Variants in LINGO2 observed in about 807,000 individuals in gnomAD.
The protein encoded by LINGO2 is leucine rich repeat and Ig domain containing 2, also known as leucine-rich repeat and immunoglobulin-like domain-containing nogo receptor-interacting protein 2.
LINGO2 carries 14 observed loss-of-function variants against 30.6 expected under a neutral mutation model. The ratio of observed to expected loss-of-function variants is 0.46; its 90% CI spans 0.30 to 0.72. LINGO2 has a LOEUF of 0.72. Ranked by LOEUF, LINGO2 falls within the 30% of genes least tolerant of loss-of-function variation. The pLI, the probability that LINGO2 is intolerant of heterozygous loss-of-function variation, is 0.07. For synonymous variants in LINGO2, 317 were observed against 288.5 expected, an observed-to-expected ratio of 1.10 and a Z score of -1.00; for missense variants, 729 against 751.7, an observed-to-expected ratio of 0.97 and a Z score of 0.35.
chr9:28,909,680 T>A, the LINGO2 span, among the ~76,000 whole-genome samples: 3 of 152,014 alleles, frequency 2.0e-5, no homozygotes, highest in African/African-American at 7.2e-5. Context: ...TTACATTCAT[T>A]TCCTGTCAAC....
intron 1 of LINGO2, among the ~76,000 whole-genome samples, chr9:28,522,352 T>C (rs958856839): frequency 6.6e-6 from 1 of 152,112 alleles, no homozygotes; most frequent in Non-Finnish European, 1.5e-5. Flanking sequence ...TCTCAGAATT[T>C]CCTCTTTATA....
At chr9:28,357,327 C>CCAA (rs55802733) in intron 3 of LINGO2, among the ~76,000 whole-genome samples, 63 of 139,716 alleles carry the variant, frequency 4.5e-4, no homozygotes, top group African/African-American at 6.6e-4. Flanking sequence ...CCACCCCCCC[C>CCAA]AAAAAAGAAA....
chr9:29,013,194 C>G, the LINGO2 span, among the ~76,000 whole-genome samples: 36 of 152,174 alleles, frequency 2.4e-4, no homozygotes, highest in South Asian at 6.0e-3. Flanking sequence ...CAATTGTTCC[C>G]CAGAGTAAAA....
chr9:28,343,304 A>G (rs1302316821), intron 3 of LINGO2, among the ~76,000 whole-genome samples: 2 of 152,174 alleles, frequency 1.3e-5, no homozygotes, highest in Non-Finnish European at 2.9e-5. Context: ...CTGTTGATAA[A>G]CACACGCAAA....
chr9:28,117,817 C>A (rs1254243539), intron 4 of LINGO2, among the ~76,000 whole-genome samples: 3 of 151,598 alleles, frequency 2.0e-5, no homozygotes, highest in Admixed American at 6.6e-5. Flanking sequence ...GTCTGGCACT[C>A]CCTAGTGAGA....
intron 1 of LINGO2, among the ~76,000 whole-genome samples, chr9:28,546,724 G>A (rs747590270): frequency 1.6e-4 from 24 of 152,012 alleles, no homozygotes; most frequent in Admixed American, 9.8e-4. Context: ...GGAGAAAGAA[G>A]GGCAAGAGAA....
At chr9:28,224,415 G>C (rs1158357240) in intron 4 of LINGO2, among the ~76,000 whole-genome samples, 1 of 152,134 alleles carries the variant, frequency 6.6e-6, no homozygotes, top group East Asian at 1.9e-4. Flanking sequence ...GGTACATGTA[G>C]TATTTTGATA....
chr9:28,900,297 A>C, the LINGO2 span, among the ~76,000 whole-genome samples: 1 of 151,872 alleles, frequency 6.6e-6, no homozygotes, highest in African/African-American at 2.4e-5. Flanking sequence ...CCAGACCCTA[A>C]GGACCAAAAC....
chr9:28,683,393 A>AAACAC, the LINGO2 span, among the ~76,000 whole-genome samples: 2 of 152,004 alleles, frequency 1.3e-5, no homozygotes, highest in Non-Finnish European at 2.9e-5. Context: ...CTGGTTTTGC[A>AAACAC]CTGTGTTTCT....
At chr9:28,989,039 T>A in the LINGO2 span, among the ~76,000 whole-genome samples, 2 of 152,218 alleles carry the variant, frequency 1.3e-5, no homozygotes, top group African/African-American at 4.8e-5. Flanking sequence ...TAAATTCATT[T>A]ACCATACTCA....
intron 3 of LINGO2, among the ~76,000 whole-genome samples, chr9:28,306,325 G>C (rs1213928560): frequency 6.6e-6 from 1 of 151,920 alleles, no homozygotes; most frequent in Admixed American, 6.6e-5. Context: ...GAAGAAAAAA[G>C]ACAATGGAGG....
chr9:28,014,334 C>T (rs530000255), intron 4 of LINGO2, among the ~76,000 whole-genome samples: 8 of 152,158 alleles, frequency 5.3e-5, no homozygotes, highest in Non-Finnish European at 1.0e-4. Context: ...GATACAAGTG[C>T]TACTCATTGT....
intron 4 of LINGO2, among the ~76,000 whole-genome samples, chr9:28,118,213 C>G (rs998779078): frequency 6.6e-6 from 1 of 152,026 alleles, no homozygotes; most frequent in African/African-American, 2.4e-5. Flanking sequence ...ACCTACACAT[C>G]CTGCACATGG....
At chr9:29,195,730 A>T in the LINGO2 span, among the ~76,000 whole-genome samples, 2 of 152,160 alleles carry the variant, frequency 1.3e-5, no homozygotes, top group Non-Finnish European at 2.9e-5. Flanking sequence ...AAGCAGCTAA[A>T]TTTAATCTGG....
chr9:28,209,596 A>C (rs946917671), intron 4 of LINGO2, among the ~76,000 whole-genome samples: 9 of 151,866 alleles, frequency 5.9e-5, no homozygotes, highest in Non-Finnish European at 1.3e-4. Context: ...TAATTTAATA[A>C]ACGTTTTTGA....
intron 2 of LINGO2, among the ~76,000 whole-genome samples, chr9:28,375,047 C>A (rs1408385733): frequency 6.6e-6 from 1 of 150,998 alleles, no homozygotes; most frequent in East Asian, 2.0e-4. Flanking sequence ...TTCTAACACC[C>A]CACCCAAGAA....
chr9:28,710,772 G>A, the LINGO2 span, among the ~76,000 whole-genome samples: 5 of 152,086 alleles, frequency 3.3e-5, no homozygotes, highest in African/African-American at 1.2e-4. Context: ...ATATTTACAT[G>A]AGTTGAATAA....
At chr9:28,358,836 G>A (rs1371823233) in intron 3 of LINGO2, among the ~76,000 whole-genome samples, 3 of 152,094 alleles carry the variant, frequency 2.0e-5, no homozygotes, top group Admixed American at 1.3e-4. Context: ...ACAACTGCTG[G>A]AGGCTAGAAA....
intron 3 of LINGO2, among the ~76,000 whole-genome samples, chr9:28,333,767 G>A (rs1013990403): frequency 6.6e-6 from 1 of 152,088 alleles, no homozygotes; most frequent in South Asian, 2.1e-4. Flanking sequence ...CAACTACTAT[G>A]TAAGATATTC....
Sources: allele counts gnomAD v4.1 joint callset (sites outside exome capture counted in the v4.1 genomes callset), GRCh38; gene constraint gnomAD v4.1.1; transcripts MANE v1.5; gene names NCBI Gene and HGNC (gene_info 2026-07-23, HGNC 2026-07-21).